The following ZNF16 variants were observed in gnomAD, a reference collection of about 807,000 sequenced individuals.
ZNF16 encodes zinc finger protein 16, also known as zinc finger protein KOX9.
ZNF16 carries 7 observed loss-of-function variants against 9.0 expected under a neutral mutation model. That is an observed-to-expected ratio of 0.78 (90% CI 0.44 to 1.47). The LOEUF is 1.47. ZNF16 is among the 40% of genes most tolerant of loss of function. ZNF16 has a pLI of 0.01. For missense variants in ZNF16, 830 were observed against 854.2 expected, an observed-to-expected ratio of 0.97 and a Z score of 0.35; for synonymous variants, 312 against 301.5, an observed-to-expected ratio of 1.03 and a Z score of -0.36.
intron 2 of ZNF16, chr8:144,944,620 T>C (rs1448116223): frequency 6.6e-6 from 1 of 152,244 alleles, no homozygotes; most frequent in Admixed American, 6.5e-5. Context: ...GGACACTTTT[T>C]GTCAGTTTAC....
intron 1 of ZNF16, among the ~76,000 whole-genome samples, chr8:144,949,878 A>G (rs562447970): frequency 5.3e-5 from 8 of 152,348 alleles, no homozygotes; most frequent in African/African-American, 1.7e-4. Flanking sequence ...ACGCCCGTAA[A>G]GGGTCTGTGT....
At chr8:144,939,657 T>G (rs1833758923) in intron 2 of ZNF16, among the ~76,000 whole-genome samples, 1 of 151,742 alleles carries the variant, frequency 6.6e-6, no homozygotes, top group African/African-American at 2.4e-5. Context: ...TATTGGGAGT[T>G]TTTATTACTA....
At chr8:144,947,582 T>G (rs1833995541) in intron 1 of ZNF16, among the ~76,000 whole-genome samples, 1 of 152,112 alleles carries the variant, frequency 6.6e-6, no homozygotes, top group Non-Finnish European at 1.5e-5. Flanking sequence ...ATCCTAGTGG[T>G]CAGTTCTATC....
rs757755160 is a variant in ZNF16 at position 144,946,121 on chromosome 8, G to A, written c.86C>T (p.Ala29Val). The A allele has an allele frequency of 1.9e-6, 3 of 1,608,280 alleles. No homozygotes were observed. The Admixed American group carries it at 5.0e-5, about 27-fold the overall frequency. ...CACAGCAGGAGCATCTCTCACACGG[G>A]CCTGGGCTGCAGGGGTCCAGGGGGA... is the stretch of plus-strand genomic sequence containing the variant. ...GPSPWTPAAQ[A>V]RVRDAPAVTH... Residue 29 changes from alanine to valine, a missense_variant, in exon 2 of 3, where the codon GCC (alanine) becomes GTC (valine). Coordinates refer to ENST00000394909, the MANE Select transcript of ZNF16 (RefSeq NM_006958.3).
chr8:144,942,698 C>T (rs1024044053), intron 2 of ZNF16, among the ~76,000 whole-genome samples: 1 of 152,204 alleles, frequency 6.6e-6, no homozygotes, highest in African/African-American at 2.4e-5. Context: ...CTCTGCTTCT[C>T]TACAGATGTT....
chr8:144,938,208 C>G (rs1833727781), intron 2 of ZNF16, among the ~76,000 whole-genome samples: 1 of 152,224 alleles, frequency 6.6e-6, no homozygotes, highest in South Asian at 2.1e-4. Context: ...AAGTCTAAGT[C>G]CTCTGACGTT....
At chr8:144,943,848 T>C (rs1292119795) in intron 2 of ZNF16, among the ~76,000 whole-genome samples, 1 of 152,066 alleles carries the variant, frequency 6.6e-6, no homozygotes, top group Non-Finnish European at 1.5e-5. Context: ...AGATCTTTTT[T>C]CTCCTCAGAC....
Position 144,946,150 on chromosome 8 carries a change from T to C in ZNF16, c.57A>G (p.Gly19=). The change falls in exon 2 of 3, where the codon GGA becomes GGG. Residue 19 remains glycine (G), a synonymous_variant. Coordinates refer to ENST00000394909, the MANE Select transcript of ZNF16 (RefSeq NM_006958.3). ...GGGCTGCAGGGGTCCAGGGGGATGG[T>C]CCTGGAACTGAGAGCTCCATCTCTG... ...EEAEMELSVP[G]PSPWTPAAQA... is the part of the protein sequence containing the mutation. 2 of 1,568,852 alleles carry C rather than the reference T, an allele frequency of 1.3e-6. No homozygotes were observed. The highest frequency in any genetic ancestry group is 1.7e-6 in the Non-Finnish European group (2 of 1,150,868).
intron 1 of ZNF16, among the ~76,000 whole-genome samples, chr8:144,946,610 GC>G (rs1833944862): frequency 9.0e-6 from 1 of 111,044 alleles, no homozygotes; most frequent in African/African-American, 3.3e-5. Flanking sequence ...CTGCTGTTGG[GC>G]TTGTGTCCTG....
At chr8:144,937,143 C>CTTTT (rs58306145) in intron 2 of ZNF16, among the ~76,000 whole-genome samples, 74 of 110,956 alleles carry the variant, frequency 6.7e-4, no homozygotes, top group Admixed American at 9.7e-4. Flanking sequence ...CTTTCTCTCT[C>CTTTT]TTTTTTTTTT....
intron 1 of ZNF16, 24 bp from the exon 2 acceptor site, chr8:144,946,239 T>G (rs1746975785): frequency 1.3e-6 from 2 of 1,493,688 alleles, no homozygotes; most frequent in African/African-American, 1.4e-5. Flanking sequence ...AGAACACAGG[T>G]GAGTCTACAG....
rs1238280469 is a variant in ZNF16, at chr8:144,942,183, T to C, written c.196+3828A>G. 2.7e-4 allele frequency among the ~76,000 whole-genome samples: 40 copies of C among 150,832 alleles called. 1 individual carries two copies. Among genetic ancestry groups the C allele is most frequent in the Admixed American group, 5.3e-4 (8 of 15,132 alleles). On this transcript the variant is annotated intron_variant, in intron 2 of 2. Coordinates refer to ENST00000394909, the MANE Select transcript of ZNF16 (RefSeq NM_006958.3). ...TTAGTAGAGACGGGGTTTCACTGTG[T>C]TAGCCGGGATGGTCTCAATCTCCTG...
At chr8:144,948,722 T>A (rs1368756323) in intron 1 of ZNF16, among the ~76,000 whole-genome samples, 3 of 149,582 alleles carry the variant, frequency 2.0e-5, no homozygotes, top group Non-Finnish European at 4.4e-5. Context: ...CTTTTAATGA[T>A]AAATTACACC....
chr8:144,946,780 T>TAC, intron 1 of ZNF16, among the ~76,000 whole-genome samples: 1 of 95,032 alleles, frequency 1.1e-5, no homozygotes, highest in Non-Finnish European at 2.0e-5. Context: ...TGGGCCTGTG[T>TAC]CCTGCTGTGG....
intron 2 of ZNF16, among the ~76,000 whole-genome samples, chr8:144,934,907 C>G (rs570015921): frequency 6.6e-6 from 1 of 152,282 alleles, no homozygotes; most frequent in South Asian, 2.1e-4. Flanking sequence ...GACATAAAAA[C>G]CAGCCCACTA....
intron 1 of ZNF16, among the ~76,000 whole-genome samples, chr8:144,947,263 T>G (rs1833982270): frequency 9.7e-6 from 1 of 103,200 alleles, no homozygotes; most frequent in Admixed American, 9.0e-5. Flanking sequence ...TGTCCTGCTG[T>G]GGGGCCTGTA....
At position 144,930,568 on chromosome 8, in the gene ZNF16, G is replaced by A; in HGVS notation, c.*170C>T. ...GGCAAGAGCAGTGGCAGTGAGAAGGGAGCCTGTAAAGGATGTTTCAAAGGA... is the reference window on the plus strand; with the variant it reads ...GGCAAGAGCAGTGGCAGTGAGAAGGAAGCCTGTAAAGGATGTTTCAAAGGA... On this transcript the variant is annotated 3_prime_UTR_variant, in exon 3 of 3. Coordinates refer to ENST00000394909, the MANE Select transcript of ZNF16 (RefSeq NM_006958.3). 2 of 676,014 alleles carry A rather than the reference G, an allele frequency of 3.0e-6. No homozygotes were observed. Among genetic ancestry groups the A allele is most frequent in the Non-Finnish European group, 4.7e-6 (2 of 421,900 alleles). The allele number at this position is 676,014 out of a possible 1,614,324, so 41.9% of individuals were successfully genotyped here. A position where few individuals can be genotyped will look rare whatever the true frequency, so the allele number is the denominator to read the frequency against.
intron 2 of ZNF16, among the ~76,000 whole-genome samples, chr8:144,942,446 C>A (rs1017103350): frequency 2.0e-5 from 3 of 151,880 alleles, no homozygotes; most frequent in African/African-American, 7.3e-5. Context: ...CACCACCATG[C>A]CCAGCTAATT....
In ZNF16 at chr8:144,949,978, C is replaced by T. The variant is rs567010822; in HGVS notation, c.-10+819G>A. Among the ~76,000 whole-genome samples the T allele has an allele frequency of 2.5e-3, 374 of 152,254 alleles. 1 individual carries two copies. Among genetic ancestry groups the T allele is most frequent in the African/African-American group, 6.7e-3 (280 of 41,520 alleles). Reference sequence around the variant, plus strand: ...GCCTGCCCCTGGGAACTGAATGTCTCGGTATAAAACCCGATTGTACATTTG... The same window carrying T: ...GCCTGCCCCTGGGAACTGAATGTCTTGGTATAAAACCCGATTGTACATTTG... On this transcript the variant is annotated intron_variant, in intron 1 of 2. Transcript: ENST00000394909.
Sources: gnomAD v4.1 joint callset for allele counts (sites outside exome capture counted in the v4.1 genomes callset) on GRCh38, gnomAD v4.1.1 for gene constraint, MANE v1.5 for transcripts, NCBI Gene and HGNC (gene_info 2026-07-23, HGNC 2026-07-21) for gene names.